VPS37C: variants seen among roughly 807,000 people sequenced by gnomAD.
VPS37C encodes the protein VPS37C subunit of ESCRT-I, also known as vacuolar protein sorting-associated protein 37C.
In VPS37C, 9 loss-of-function variants were observed where a neutral mutation model predicts 16.1. The ratio of observed to expected loss-of-function variants is 0.56; its 90% CI spans 0.34 to 0.97. The LOEUF (loss-of-function observed/expected upper bound fraction) is 0.97, where lower values mean the gene tolerates loss of function less well. VPS37C is among the 50% of genes least tolerant of loss of function. The pLI, the probability that VPS37C is intolerant of heterozygous loss-of-function variation, is 0.02. For synonymous variants in VPS37C, 207 were observed against 206.4 expected (o/e 1.00, Z -0.02); for missense variants, 479 against 472.7 (o/e 1.01, Z -0.12).
In VPS37C at chr11:61,131,738, T is replaced by G. The variant is rs553011395; in HGVS notation, c.*82A>C. 2.1e-4 allele frequency: 264 copies of G among 1,233,268 alleles called. No homozygotes were observed. Among genetic ancestry groups the G allele is most frequent in the Non-Finnish European group, 2.6e-4 (254 of 988,538 alleles). The allele number at this position is 1,233,268 out of a possible 1,614,324, so 76.4% of individuals were successfully genotyped here. ...CAGGGAGCACCAACGCCACTTCCAG[T>G]TGACCCTCGAATCTCGGCGATGGCT... On this transcript the variant is annotated 3_prime_UTR_variant, in exon 5 of 5. Transcript: ENST00000301765.
intron 1 of VPS37C, among the ~76,000 whole-genome samples, chr11:61,152,315 A>G (rs11230613): frequency 0.038 from 5,836 of 152,286 alleles, 381 homozygotes; most frequent in African/African-American, 0.13. Flanking sequence ...GCAGACAGGT[A>G]TAGCCACAGA....
At chr11:61,149,350 C>A (rs1193108831) in intron 1 of VPS37C, among the ~76,000 whole-genome samples, 2 of 152,180 alleles carry the variant, frequency 1.3e-5, no homozygotes, top group Non-Finnish European at 2.9e-5. Context: ...TCCTAGATTT[C>A]AATCCCATCC....
chr11:61,144,831 C>T (rs954114365), intron 1 of VPS37C: 3 of 152,318 alleles, frequency 2.0e-5, no homozygotes, highest in East Asian at 1.9e-4. Flanking sequence ...GGAAGGAGAC[C>T]GGAGGCCTCC....
In VPS37C at chr11:61,148,578, TAAAA is replaced by T. The variant is rs148831092; in HGVS notation, c.-6-9747_-6-9744del. 4.0e-3 allele frequency among the ~76,000 whole-genome samples: 576 copies of T among 143,554 alleles called. 5 individuals carry two copies. The highest frequency in any genetic ancestry group is 0.012 in the African/African-American group (453 of 38,930). 94.2% of individuals were successfully genotyped at this position (143,554 alleles called of 152,430 possible). On this transcript the variant is annotated intron_variant, in intron 1 of 4. Coordinates refer to ENST00000301765, the MANE Select transcript of VPS37C (RefSeq NM_017966.5). ...TGTTTCCTGACTTCCCACAGGAGGTTAAAAAAAAAAAAAAAAAAATCAAATCATC... is the reference window on the plus strand; with the variant it reads ...TGTTTCCTGACTTCCCACAGGAGGTTAAAAAAAAAAAAAAATCAAATCATC...
At chr11:61,150,803 TAG>T (rs1391198951) in intron 1 of VPS37C, among the ~76,000 whole-genome samples, 1 of 151,896 alleles carries the variant, frequency 6.6e-6, no homozygotes, top group African/African-American at 2.4e-5. Flanking sequence ...GCCAGCAGCG[TAG>T]AGTGTGGGGA....
intron 1 of VPS37C, among the ~76,000 whole-genome samples, chr11:61,153,916 G>A (rs1802843389): frequency 6.6e-6 from 1 of 152,180 alleles, no homozygotes; most frequent in African/African-American, 2.4e-5. Context: ...AACAGAAATA[G>A]TCTTGCGTGC....
At chr11:61,157,799 T>C (rs1189534934) in intron 1 of VPS37C, among the ~76,000 whole-genome samples, 1 of 152,248 alleles carries the variant, frequency 6.6e-6, no homozygotes, top group Non-Finnish European at 1.5e-5. Context: ...ATTTCCAATG[T>C]TGGAGGTAGG....
At chr11:61,160,970 C>G (rs1853464010) in intron 1 of VPS37C, 1 of 152,560 alleles carries the variant, frequency 6.6e-6, no homozygotes, top group Admixed American at 6.5e-5. Context: ...CCACTCGTCT[C>G]CCGCGTGCCC....
At chr11:61,150,633 C>T (rs1360971051) in intron 1 of VPS37C, among the ~76,000 whole-genome samples, 2 of 151,058 alleles carry the variant, frequency 1.3e-5, no homozygotes, top group Non-Finnish European at 2.9e-5. Context: ...ATGCTCTGGG[C>T]AAACAGGTCG....
Position 61,131,794 on chromosome 11 carries a change from G to A in VPS37C, c.*26C>T. On this transcript the variant is annotated 3_prime_UTR_variant, in exon 5 of 5. Coordinates refer to ENST00000301765, the MANE Select transcript of VPS37C (RefSeq NM_017966.5). ...AAAGGTTGAGCGTGGGTGGGACTAG[G>A]GAGGGGCCGAGGGCCAGGAGTGTGT... 8.0e-7 allele frequency: 1 copy of A among 1,248,008 alleles called. No individual in the cohort carries two copies. The highest frequency in any genetic ancestry group is 1.0e-6 in the Non-Finnish European group (1 of 993,336). 77.3% of individuals were successfully genotyped at this position (1,248,008 alleles called of 1,614,324 possible).
In VPS37C at chr11:61,138,733, C is replaced by G; in HGVS notation, c.93+4G>C. ...TGTTGGGTCCCATACCAGCCTCCCTCTACCTCAGGGGACTCCAGGGCCAGC... is the reference window on the plus strand; with the variant it reads ...TGTTGGGTCCCATACCAGCCTCCCTGTACCTCAGGGGACTCCAGGGCCAGC... On this transcript the variant is annotated splice_donor_region_variant and intron_variant, in intron 2 of 4. Transcript: ENST00000301765. 2 of 1,614,114 alleles carry G rather than the reference C, an allele frequency of 1.2e-6. No individual in the cohort carries two copies. Among genetic ancestry groups the G allele is most frequent in the Non-Finnish European group, 1.7e-6 (2 of 1,179,978 alleles).
chr11:61,146,168 C>A (rs1394235078), intron 1 of VPS37C, among the ~76,000 whole-genome samples: 1 of 152,200 alleles, frequency 6.6e-6, no homozygotes, highest in Non-Finnish European at 1.5e-5. Context: ...CTTCCCCTTA[C>A]CCCCGCCTGC....
chr11:61,133,591 C>T (rs115923289), intron 3 of VPS37C, among the ~76,000 whole-genome samples: 2 of 152,308 alleles, frequency 1.3e-5, no homozygotes, highest in African/African-American at 4.8e-5. Context: ...ACTTGGGCTT[C>T]AGAGCCCAAC....
rs1349625465 is a variant in VPS37C, at chr11:61,132,007, G to A, written c.881C>T (p.Pro294Leu). The change falls in exon 5 of 5, where the codon CCT becomes CTT. Residue 294 changes from proline (P) to leucine (L), a missense_variant. By Grantham distance (98) the Pro-to-Leu change is moderately conservative (BLOSUM62 -3). Coordinates refer to ENST00000301765, the MANE Select transcript of VPS37C (RefSeq NM_017966.5). ...GTATGGGGACTGTTGAGGATAACCA[G>A]GACTGGGGGCCCTGCCTCCCCGCAA... ...YPLRGGRAPS[P>L]GYPQQSPYPA... 1 of 1,377,074 alleles carries A rather than the reference G, an allele frequency of 7.3e-7. No individual in the cohort carries two copies. Among genetic ancestry groups the A allele is most frequent in the Non-Finnish European group, 9.4e-7 (1 of 1,061,474 alleles). The allele number at this position is 1,377,074 out of a possible 1,614,324, so 85.3% of individuals were successfully genotyped here. A position where few individuals can be genotyped will look rare whatever the true frequency, so the allele number is the denominator to read the frequency against.
intron 1 of VPS37C, among the ~76,000 whole-genome samples, chr11:61,155,862 T>C (rs543849451): frequency 1.4e-4 from 21 of 152,322 alleles, no homozygotes; most frequent in African/African-American, 4.8e-4. Context: ...CCTTAAAAAA[T>C]AATTGACTAT....
At chr11:61,156,353 T>G (rs1853375946) in intron 1 of VPS37C, among the ~76,000 whole-genome samples, 1 of 151,696 alleles carries the variant, frequency 6.6e-6, no homozygotes, top group South Asian at 2.1e-4. Flanking sequence ...TTGGGAGGGG[T>G]GGGTAGATAA....
rs371748774 is a variant in VPS37C, at chr11:61,155,060, C to T, written c.-7+6331G>A. On this transcript the variant is annotated intron_variant, in intron 1 of 4. Coordinates refer to ENST00000301765, the MANE Select transcript of VPS37C (RefSeq NM_017966.5). ...TTGAAGCTGCAGTGAGCTATGATCA[C>T]GCCACTGCACTCTGGCCTGGATGAC... Among the ~76,000 whole-genome samples, 67 of 150,976 alleles carry T rather than the reference C, an allele frequency of 4.4e-4. 2 individuals are homozygous for T. The East Asian group carries it at 0.011, about 24-fold the overall frequency.
chr11:61,148,164 G>A (rs2134647552), intron 1 of VPS37C, among the ~76,000 whole-genome samples: 1 of 152,274 alleles, frequency 6.6e-6, no homozygotes, highest in African/African-American at 2.4e-5. Context: ...AGATCGTGCA[G>A]GAGGATTCCA....
At chr11:61,133,696 G>A (rs186061140) in intron 3 of VPS37C, among the ~76,000 whole-genome samples, 1 of 152,320 alleles carries the variant, frequency 6.6e-6, no homozygotes, top group Non-Finnish European at 1.5e-5. Flanking sequence ...ACCTTCAAAG[G>A]TGACAGGTCC....
Sources: gnomAD v4.1 joint callset for allele counts (sites outside exome capture counted in the v4.1 genomes callset) on GRCh38, gnomAD v4.1.1 for gene constraint, MANE v1.5 for transcripts, NCBI Gene and HGNC (gene_info 2026-07-23, HGNC 2026-07-21) for gene names.